Variants in SASH1 observed in about 807,000 individuals in gnomAD.
SASH1 encodes the protein SAM and SH3 domain-containing protein 1.
In SASH1, 44 loss-of-function variants were observed where a neutral mutation model predicts 125.2. The observed-to-expected ratio is 0.35, with a 90% CI of 0.28 to 0.45. The LOEUF is 0.45. SASH1 is among the 20% of genes least tolerant of loss of function. SASH1 has a pLI of 1.00. For missense variants in SASH1, 1,426 were observed against 1,614.5 expected (o/e 0.88, Z 2.00); for synonymous variants, 639 against 649.1 (o/e 0.98, Z 0.24).
At chr6:148,468,859 A>C in intron 5 of SASH1, 1 of 300,698 alleles carries the variant, frequency 3.3e-6, no homozygotes. Flanking sequence ...CAGAAAAATT[A>C]GAAGCAACCT....
chr6:148,223,972 A>G, the SASH1 span, among the ~76,000 whole-genome samples: 1 of 152,202 alleles, frequency 6.6e-6, no homozygotes, highest in Non-Finnish European at 1.5e-5. Flanking sequence ...GATTTTACAG[A>G]ATTTTGTATA....
chr6:148,481,317 T>C (rs79099751), intron 7 of SASH1, among the ~76,000 whole-genome samples: 10,057 of 152,280 alleles, frequency 0.066, 445 homozygotes, highest in Non-Finnish European at 0.097. Flanking sequence ...CCATTCAAAC[T>C]TTCTCCATGT....
intron 2 of SASH1, among the ~76,000 whole-genome samples, chr6:148,420,546 A>G (rs1292918471): frequency 6.6e-6 from 1 of 152,198 alleles, no homozygotes; most frequent in Non-Finnish European, 1.5e-5. Context: ...GGGAGTTTAC[A>G]TGCCACTGTT....
At chr6:148,202,243 C>G in the SASH1 span, among the ~76,000 whole-genome samples, 1 of 152,106 alleles carries the variant, frequency 6.6e-6, no homozygotes, top group East Asian at 1.9e-4. Context: ...AGAGGACCCA[C>G]TAAAAACTAC....
intron 1 of SASH1, among the ~76,000 whole-genome samples, chr6:148,362,190 G>T (rs1376107765): frequency 1.3e-5 from 2 of 150,782 alleles, no homozygotes; most frequent in Non-Finnish European, 2.9e-5. Flanking sequence ...GCCTCCCAAA[G>T]TGCTGGGATT....
At chr6:148,308,243 G>C (rs183846310) in intron 1 of SASH1, among the ~76,000 whole-genome samples, 1 of 151,114 alleles carries the variant, frequency 6.6e-6, no homozygotes, top group Admixed American at 6.6e-5. Context: ...TAATAATGGT[G>C]TTTTGCCACA....
chr6:148,452,710 C>T (rs1583184559), intron 4 of SASH1, among the ~76,000 whole-genome samples: 4 of 152,300 alleles, frequency 2.6e-5, no homozygotes, highest in South Asian at 4.2e-4. Flanking sequence ...CCTCCCCTCA[C>T]CCCCTCTGTA....
At chr6:148,429,284 G>GC (rs1250405345) in intron 2 of SASH1, among the ~76,000 whole-genome samples, 1 of 151,474 alleles carries the variant, frequency 6.6e-6, no homozygotes, top group African/African-American at 2.4e-5. Flanking sequence ...TATCCAGGAG[G>GC]CTGAGGCAGG....
At chr6:148,384,701 C>T (rs549449895) in intron 1 of SASH1, among the ~76,000 whole-genome samples, 1 of 152,262 alleles carries the variant, frequency 6.6e-6, no homozygotes, top group Admixed American at 6.5e-5. Context: ...AATGCAAACA[C>T]TGTCAGTCCT....
At chr6:148,340,463 A>T (rs1322133158), upstream of SASH1, among the ~76,000 whole-genome samples, 3 of 150,784 alleles carry the variant, frequency 2.0e-5, no homozygotes, top group Non-Finnish European at 4.4e-5. Flanking sequence ...AGCCTGGGCG[A>T]CAGGGTGACA....
At chr6:148,268,922 A>G (rs1190914585), upstream of SASH1, among the ~76,000 whole-genome samples, 1 of 152,248 alleles carries the variant, frequency 6.6e-6, no homozygotes, top group Non-Finnish European at 1.5e-5. Flanking sequence ...TTGGGGAATA[A>G]CAATGCTGGA....
intron 1 of SASH1, among the ~76,000 whole-genome samples, chr6:148,285,164 G>A (rs1276410331): frequency 6.6e-6 from 1 of 152,162 alleles, no homozygotes; most frequent in Non-Finnish European, 1.5e-5. Context: ...AGGATATATG[G>A]TCTTCCTGTT....
At chr6:148,494,576 G>A (rs1187967242) in intron 8 of SASH1, among the ~76,000 whole-genome samples, 2 of 152,056 alleles carry the variant, frequency 1.3e-5, no homozygotes, top group Non-Finnish European at 2.9e-5. Flanking sequence ...GCAGTGAGCC[G>A]AGATCACGCC....
At chr6:148,372,105 A>G (rs1417711973) in intron 1 of SASH1, among the ~76,000 whole-genome samples, 1 of 152,208 alleles carries the variant, frequency 6.6e-6, no homozygotes, top group Non-Finnish European at 1.5e-5. Context: ...TTGCAGTTAC[A>G]TAAGGAAGCA....
At chr6:148,293,108 A>G (rs1161250010) in intron 1 of SASH1, among the ~76,000 whole-genome samples, 1 of 151,894 alleles carries the variant, frequency 6.6e-6, no homozygotes, top group Non-Finnish European at 1.5e-5. Context: ...GGTGTATAAG[A>G]TCTACCATGA....
chr6:148,342,417 C>T (rs1781355457), upstream of SASH1, among the ~76,000 whole-genome samples: 1 of 152,142 alleles, frequency 6.6e-6, no homozygotes, highest in Non-Finnish European at 1.5e-5. Context: ...CCGTGAATAG[C>T]GTGATTGGAA....
At chr6:148,499,060 T>TTTG (rs1554264904) in intron 8 of SASH1, among the ~76,000 whole-genome samples, 1 of 149,640 alleles carries the variant, frequency 6.7e-6, no homozygotes, top group African/African-American at 2.5e-5. Flanking sequence ...TTTTTTTGTT[T>TTTG]TTTTTTTTTT....
intron 7 of SASH1, among the ~76,000 whole-genome samples, chr6:148,481,274 G>C (rs1778606057): frequency 6.6e-6 from 1 of 152,146 alleles, no homozygotes; most frequent in Non-Finnish European, 1.5e-5. Flanking sequence ...TGGCTTACGA[G>C]AGTGTTGTGG....
intron 7 of SASH1, among the ~76,000 whole-genome samples, chr6:148,486,642 A>G (rs933126151): frequency 6.7e-6 from 1 of 150,096 alleles, no homozygotes; most frequent in African/African-American, 2.4e-5. Flanking sequence ...AGGGTCGGGT[A>G]TGGTGGCTCA....
Sources: gnomAD v4.1 joint callset for allele counts (sites outside exome capture counted in the v4.1 genomes callset) on GRCh38, gnomAD v4.1.1 for gene constraint, MANE v1.5 for transcripts, NCBI Gene and HGNC (gene_info 2026-07-23, HGNC 2026-07-21) for gene names.